ERI3: variants seen among roughly 807,000 people sequenced by gnomAD.
ERI3 encodes ERI1 exoribonuclease 3.
Under a neutral mutation model 44.4 loss-of-function variants are expected in ERI3, and 18 were observed. That is an observed-to-expected ratio of 0.41 (90% CI 0.28 to 0.60). The LOEUF (loss-of-function observed/expected upper bound fraction) is 0.60. Ranked by LOEUF, ERI3 falls within the 20% of genes least tolerant of loss-of-function variation. ERI3 has a pLI of 0.36. For synonymous variants in ERI3, 183 were observed against 164.8 expected (o/e 1.11, Z -0.84); for missense variants, 294 against 435.5 (o/e 0.68, Z 2.89).
chr1:44,250,680 C>A (rs1644659948), intron 7 of ERI3, among the ~76,000 whole-genome samples: 2 of 151,770 alleles, frequency 1.3e-5, no homozygotes, highest in African/African-American at 4.8e-5. Flanking sequence ...CCAGATAAGG[C>A]GTGATAACCA....
intron 3 of ERI3, among the ~76,000 whole-genome samples, chr1:44,335,491 G>A (rs904228373): frequency 2.0e-5 from 3 of 152,302 alleles, no homozygotes; most frequent in Admixed American, 2.0e-4. Flanking sequence ...CGGGGGCAGT[G>A]GCTCATGCCT....
chr1:44,250,676 A>G (rs1189668549), intron 7 of ERI3, among the ~76,000 whole-genome samples: 1 of 152,124 alleles, frequency 6.6e-6, no homozygotes, highest in Non-Finnish European at 1.5e-5. Context: ...ATTCCCAGAT[A>G]AGGCGTGATA....
chr1:44,305,002 G>C (rs994503026), intron 6 of ERI3, among the ~76,000 whole-genome samples: 4 of 152,106 alleles, frequency 2.6e-5, no homozygotes, highest in Non-Finnish European at 4.4e-5. Context: ...CTCTGAGCAG[G>C]CCCCTGGCCC....
rs1644944041 is a variant in ERI3, at chr1:44,264,135, T to C, written c.832-16097A>G. The stretch of plus-strand genomic sequence containing the variant: ...AAAAAGCTCCAGCAAAGCGAAATCA[T>C]TTACTCTTCGGTGCGACTGCTCAGC... On this transcript the variant is annotated intron_variant, in intron 7 of 8. Coordinates refer to ENST00000372257, the MANE Select transcript of ERI3 (RefSeq NM_024066.3). Among the ~76,000 whole-genome samples, 8 of 152,326 alleles carry C rather than the reference T, an allele frequency of 5.3e-5. No individual in the cohort carries two copies. In the South Asian group the frequency reaches 1.7e-3, roughly 32 times the overall value.
chr1:44,316,933 C>A (rs1646100005), intron 4 of ERI3, among the ~76,000 whole-genome samples: 1 of 152,152 alleles, frequency 6.6e-6, no homozygotes, highest in Non-Finnish European at 1.5e-5. Flanking sequence ...GTCAGAACCA[C>A]GTCTCCAGGC....
intron 7 of ERI3, among the ~76,000 whole-genome samples, chr1:44,250,334 C>T (rs552170994): frequency 3.9e-5 from 6 of 152,332 alleles, no homozygotes; most frequent in Admixed American, 3.3e-4. Context: ...TGAGTCTTAT[C>T]GCAGCTAAGC....
intron 7 of ERI3, among the ~76,000 whole-genome samples, chr1:44,281,640 G>A (rs947460521): frequency 2.1e-5 from 3 of 141,168 alleles, no homozygotes; most frequent in Admixed American, 7.2e-5. Context: ...TTCATTTATC[G>A]ATGAAGAGAT....
At chr1:44,245,805 C>A (rs1644543811) in intron 8 of ERI3, among the ~76,000 whole-genome samples, 2 of 152,134 alleles carry the variant, frequency 1.3e-5, no homozygotes, top group South Asian at 4.1e-4. Flanking sequence ...GAAGGGGCAC[C>A]CAGATAAAGT....
At chr1:44,341,304 T>A (rs531022769) in intron 2 of ERI3, among the ~76,000 whole-genome samples, 1 of 152,210 alleles carries the variant, frequency 6.6e-6, no homozygotes, top group Non-Finnish European at 1.5e-5. Context: ...ACAACACATG[T>A]AAAGCACTAA....
chr1:44,249,868 A>C (rs1644639089), intron 7 of ERI3, among the ~76,000 whole-genome samples: 1 of 152,216 alleles, frequency 6.6e-6, no homozygotes, highest in Non-Finnish European at 1.5e-5. Flanking sequence ...CAAAGGCCGG[A>C]TTAAACGATC....
At chr1:44,321,550 G>A (rs1646204149) in intron 3 of ERI3, among the ~76,000 whole-genome samples, 1 of 152,082 alleles carries the variant, frequency 6.6e-6, no homozygotes, top group Non-Finnish European at 1.5e-5. Flanking sequence ...AATACACATT[G>A]GTCCCCCTGC....
chr1:44,313,302 C>T (rs1348121590), intron 4 of ERI3, 74 bp from the exon 5 acceptor site: 2 of 1,419,292 alleles, frequency 1.4e-6, no homozygotes, highest in Non-Finnish European at 2.0e-6. Flanking sequence ...GGACCCCTTC[C>T]TTTCTGTTTT....
intron 2 of ERI3, among the ~76,000 whole-genome samples, 180 bp downstream of exon 2, chr1:44,352,670 T>C (rs759458462): frequency 5.3e-5 from 8 of 152,186 alleles, no homozygotes; most frequent in Non-Finnish European, 8.8e-5. Context: ...AGTAAGTTTC[T>C]ACAGACTTTG....
intron 7 of ERI3, among the ~76,000 whole-genome samples, chr1:44,253,996 G>A (rs1223652006): frequency 6.6e-6 from 1 of 152,160 alleles, no homozygotes; most frequent in Non-Finnish European, 1.5e-5. Context: ...AAGTGTCAGG[G>A]TGATCAGTTA....
intron 6 of ERI3, among the ~76,000 whole-genome samples, chr1:44,290,931 C>T (rs1353934062): frequency 6.6e-6 from 1 of 152,120 alleles, no homozygotes; most frequent in Non-Finnish European, 1.5e-5. Context: ...GAAGGCTGAG[C>T]TTACACATGG....
chr1:44,244,087 T>G (rs2154317764), intron 8 of ERI3: 1 of 152,442 alleles, frequency 6.6e-6, no homozygotes. Context: ...ATAATATGAG[T>G]GCTTACTGCC....
chr1:44,248,437 T>C (rs1471102455), intron 7 of ERI3, among the ~76,000 whole-genome samples: 1 of 152,076 alleles, frequency 6.6e-6, no homozygotes, highest in Non-Finnish European at 1.5e-5. Context: ...CTCACAGTAT[T>C]ACTGTTCACA....
Position 44,355,228 on chromosome 1 carries a change from C to T in ERI3, c.-202G>A, listed in dbSNP as rs761211528. 673 of 1,184,670 alleles carry T rather than the reference C, an allele frequency of 5.7e-4. 1 individual carries two copies. The highest frequency in any genetic ancestry group is 6.5e-4 in the Non-Finnish European group (624 of 957,946). 73.4% of individuals were successfully genotyped at this position (1,184,670 alleles called of 1,614,324 possible). On this transcript the variant is annotated 5_prime_UTR_variant, in exon 1 of 9. Transcript: ENST00000372257. ...TCCCGGCCGCCTGAACAGCGGCAGCCAGCACCACGAGTCCACAACACACCG... is the reference window on the plus strand; with the variant it reads ...TCCCGGCCGCCTGAACAGCGGCAGCTAGCACCACGAGTCCACAACACACCG...
rs1644699269 is a variant in ERI3 at position 44,252,399 on chromosome 1, A to G, written c.832-4361T>C. Among the ~76,000 whole-genome samples, 2 of 152,220 alleles carry G rather than the reference A, an allele frequency of 1.3e-5. No homozygotes were observed. The highest frequency in any genetic ancestry group is 4.8e-5 in the African/African-American group (2 of 41,464). ...TGCCCCATTAGCTTAGTGGCCAGCC[A>G]TCTGCGACGGGCCTGCCGCATAGCC... On this transcript the variant is annotated intron_variant, in intron 7 of 8. Coordinates refer to ENST00000372257, the MANE Select transcript of ERI3 (RefSeq NM_024066.3). This position sits in a 1 kb window ranked among gnomAD's most constrained non-coding sequence, Gnocchi z 4.7.
Sources: gnomAD v4.1 joint callset for allele counts (sites outside exome capture counted in the v4.1 genomes callset) on GRCh38, gnomAD v4.1.1 for gene constraint, Gnocchi (gnomAD v3.1) non-coding constraint, MANE v1.5 for transcripts, NCBI Gene and HGNC (gene_info 2026-07-23, HGNC 2026-07-21) for gene names.